NTN4: variants seen among roughly 807,000 people sequenced by gnomAD.
NTN4 encodes netrin 4.
Under a neutral mutation model 73.6 loss-of-function variants are expected in NTN4, and 32 were observed. The ratio of observed to expected loss-of-function variants is 0.44; its 90% CI spans 0.33 to 0.58. NTN4 has a LOEUF of 0.58. NTN4 is among the 20% of genes least tolerant of loss of function. NTN4 has a pLI of 0.04. For synonymous variants in NTN4, 258 were observed against 287.5 expected (o/e 0.90, Z 1.04); for missense variants, 654 against 798.3 (o/e 0.82, Z 2.18).
intron 9 of NTN4, among the ~76,000 whole-genome samples, chr12:95,660,413 TA>T (rs2078127983): frequency 6.6e-6 from 1 of 152,068 alleles, no homozygotes; most frequent in Admixed American, 6.6e-5. Flanking sequence ...ATATAAAGCC[TA>T]TGTGTTTTTG....
chr12:95,687,531 G>C (rs1565884493), intron 5 of NTN4, among the ~76,000 whole-genome samples: 2 of 151,792 alleles, frequency 1.3e-5, no homozygotes, highest in Non-Finnish European at 2.9e-5. Context: ...CTCCCAAGTA[G>C]CTGGGATTAT....
At chr12:95,752,491 A>T (rs1463821578) in intron 2 of NTN4, among the ~76,000 whole-genome samples, 2 of 151,580 alleles carry the variant, frequency 1.3e-5, no homozygotes, top group Non-Finnish European at 2.9e-5. Flanking sequence ...CCTGACACCC[A>T]TCAAGCTCAG....
At chr12:95,660,066 T>G (rs2078125137) in intron 9 of NTN4, among the ~76,000 whole-genome samples, 1 of 152,080 alleles carries the variant, frequency 6.6e-6, no homozygotes, top group Non-Finnish European at 1.5e-5. Flanking sequence ...CAGGCTGGAG[T>G]ACAGGGGTGC....
In NTN4 at chr12:95,787,361, G is replaced by T. The variant is rs372254865; in HGVS notation, c.163C>A (p.Gln55Lys). ...RKLWADTTCGQNATELYCFYS... is the reference protein window; with the variant it reads ...RKLWADTTCGKNATELYCFYS... ...AAGCAGTACAGTTCGGTAGCATTCT[G>T]ACCGCAGGTGGTGTCTGCCCAGAGT... is the stretch of plus-strand genomic sequence containing the variant. Residue 55 changes from glutamine (Q) to lysine (K), a missense_variant, in exon 2 of 10, where the codon CAG becomes AAG. Gln to Lys is a moderately conservative substitution (Grantham distance 53). Coordinates refer to ENST00000343702, the MANE Select transcript of NTN4 (RefSeq NM_021229.4). 1.9e-6 allele frequency: 3 copies of T among 1,614,092 alleles called. No homozygotes were observed. Among genetic ancestry groups the T allele is most frequent in the Non-Finnish European group, 2.5e-6 (3 of 1,180,048 alleles).
At chr12:95,667,170 C>CTCCCT (rs2078187182) in intron 8 of NTN4, among the ~76,000 whole-genome samples, 1 of 150,722 alleles carries the variant, frequency 6.6e-6, no homozygotes, top group South Asian at 2.1e-4. Context: ...TACTCAGGAA[C>CTCCCT]ACTAGGGAAC....
At chr12:95,785,629 G>A (rs1224368811) in intron 2 of NTN4, among the ~76,000 whole-genome samples, 3 of 152,140 alleles carry the variant, frequency 2.0e-5, no homozygotes, top group Admixed American at 6.5e-5. Context: ...GGGAAAGGAG[G>A]CCCCAAACCA....
At chr12:95,786,706 G>A (rs1174277154) in intron 2 of NTN4, among the ~76,000 whole-genome samples, 2 of 152,058 alleles carry the variant, frequency 1.3e-5, no homozygotes. Context: ...TTTTATATGT[G>A]AAAAATTTGA....
intron 2 of NTN4, among the ~76,000 whole-genome samples, chr12:95,786,679 G>T (rs541708622): frequency 1.7e-4 from 26 of 152,262 alleles, no homozygotes; most frequent in African/African-American, 6.3e-4. Context: ...CTAGAGTGAT[G>T]ATTTGTGTCT....
In NTN4 at chr12:95,683,573, C is replaced by A; in HGVS notation, c.1319G>T (p.Gly440Val). 5 of 1,614,180 alleles carry A rather than the reference C, an allele frequency of 3.1e-6. No individual in the cohort carries two copies. The highest frequency in any genetic ancestry group is 4.2e-6 in the Non-Finnish European group (5 of 1,180,008). Reference protein sequence around the residue: ...RCDRCMVGYWGFGDYGCRPCD... With the variant: ...RCDRCMVGYWVFGDYGCRPCD... Reference sequence around the variant, plus strand: ...TGGTCGACAGCCATAGTCTCCGAAGCCCCAGTATCCCACCATGCACCTGTC... The same window carrying A: ...TGGTCGACAGCCATAGTCTCCGAAGACCCAGTATCCCACCATGCACCTGTC... The change falls in exon 6 of 10, where the codon GGC (glycine) becomes GTC (valine). Residue 440 changes from glycine (G) to valine (V), a missense_variant. Gly to Val is a moderately radical substitution (Grantham distance 109). Transcript: ENST00000343702.
intron 2 of NTN4, among the ~76,000 whole-genome samples, chr12:95,752,689 T>G (rs1274093150): frequency 1.3e-5 from 2 of 151,858 alleles, no homozygotes; most frequent in African/African-American, 4.8e-5. Context: ...AACAACTCCT[T>G]TCCTTCCTAG....
At chr12:95,707,792 T>C (rs1248471800) in intron 5 of NTN4, among the ~76,000 whole-genome samples, 2 of 152,236 alleles carry the variant, frequency 1.3e-5, no homozygotes, top group African/African-American at 4.8e-5. Flanking sequence ...CTGTACAGCA[T>C]ACTGTTCAAG....
At chr12:95,767,207 T>C (rs10859940) in intron 2 of NTN4, among the ~76,000 whole-genome samples, 53,578 of 151,692 alleles carry the variant, frequency 0.35, 10,096 homozygotes, top group African/African-American at 0.5. Context: ...AGGATTGGCT[T>C]TCCTTACACA....
At chr12:95,682,057 C>CTTGTTTTTTTT (rs2078320409) in intron 7 of NTN4, among the ~76,000 whole-genome samples, 1 of 64,546 alleles carries the variant, frequency 1.5e-5, no homozygotes, top group Non-Finnish European at 2.6e-5. Flanking sequence ...ATTCAGTAGG[C>CTTGTTTTTTTT]TTTTTTTTTT....
At chr12:95,761,132 A>G (rs545112311) in intron 2 of NTN4, among the ~76,000 whole-genome samples, 3 of 152,192 alleles carry the variant, frequency 2.0e-5, no homozygotes, top group African/African-American at 4.8e-5. Context: ...CTGGGTAGAT[A>G]TTTCACTTCT....
chr12:95,695,095 G>A (rs1438936669), intron 5 of NTN4, among the ~76,000 whole-genome samples: 1 of 151,228 alleles, frequency 6.6e-6, no homozygotes, highest in Non-Finnish European at 1.5e-5. Flanking sequence ...GCCACTGCAC[G>A]CTAACCTGGG....
chr12:95,763,827 T>C (rs2079004062), intron 2 of NTN4, among the ~76,000 whole-genome samples: 1 of 152,178 alleles, frequency 6.6e-6, no homozygotes, highest in African/African-American at 2.4e-5. Context: ...GGGGAAGAAA[T>C]GAAGCTGACT....
At chr12:95,734,027 G>A (rs1038197626) in intron 3 of NTN4, among the ~76,000 whole-genome samples, 19 of 138,902 alleles carry the variant, frequency 1.4e-4, no homozygotes, top group Admixed American at 3.2e-4. Flanking sequence ...CCAAGATCAC[G>A]CCACTGCACT....
chr12:95,658,264 A>T lies in NTN4; in HGVS notation c.*822T>A, dbSNP rs998672522. 7.9e-5 allele frequency: 12 copies of T among 152,162 alleles called. No homozygotes were observed. Among genetic ancestry groups the T allele is most frequent in the Non-Finnish European group, 1.8e-4 (12 of 68,012 alleles). 9.4% of individuals were successfully genotyped at this position (152,162 alleles called of 1,614,324 possible). ...AGCCAAGCATATGTCTACATTTATG[A>T]TTTCTTTCTCTTATTTTAAAGTCTC... On this transcript the variant is annotated 3_prime_UTR_variant, in exon 10 of 10. Transcript: ENST00000343702.
chr12:95,694,213 C>T lies in NTN4; in HGVS notation c.1181-10502G>A, dbSNP rs149790800. Among the ~76,000 whole-genome samples the T allele has an allele frequency of 3.9e-3, 599 of 152,048 alleles. 4 individuals are homozygous for T. Among genetic ancestry groups the T allele is most frequent in the Non-Finnish European group, 6.1e-3 (412 of 68,010 alleles). On this transcript the variant is annotated intron_variant, in intron 5 of 9. Coordinates refer to ENST00000343702, the MANE Select transcript of NTN4 (RefSeq NM_021229.4). ...AAAAGCTACACTGGGAGAAAAATAC[C>T]CTAAAAGTATTTGCTCCTGATTTAG...
Sources: gnomAD v4.1 joint callset for allele counts (sites outside exome capture counted in the v4.1 genomes callset) on GRCh38, gnomAD v4.1.1 for gene constraint, MANE v1.5 for transcripts, NCBI Gene and HGNC (gene_info 2026-07-23, HGNC 2026-07-21) for gene names.